BARD1: variants seen among roughly 807,000 people sequenced by gnomAD.
BARD1 encodes BRCA1 associated RING domain 1.
Under a neutral mutation model 77.0 loss-of-function variants are expected in BARD1, and 73 were observed. The ratio of observed to expected loss-of-function variants is 0.95; its 90% CI spans 0.79 to 1.15. The LOEUF is 1.15. Ranked by LOEUF, BARD1 falls within the 50% of genes most tolerant of loss-of-function variation. BARD1 has a pLI of 0.00. For missense variants in BARD1, 993 were observed against 938.8 expected (o/e 1.06, Z -0.75); for synonymous variants, 384 against 338.0 (o/e 1.14, Z -1.49).
At position 214,781,384 on chromosome 2, in the gene BARD1, G is replaced by C. The variant is rs750350372; in HGVS notation, c.490C>G (p.Gln164Glu). 5.6e-6 allele frequency: 9 copies of C among 1,613,512 alleles called. No individual in the cohort carries two copies. Among genetic ancestry groups the C allele is most frequent in the Non-Finnish European group, 7.6e-6 (9 of 1,179,936 alleles). ...TCTTTTTTTATTGCAGGCTGGGTTT[G>C]CACTGAAGCTTTACTCACAACATAT... Reference protein sequence around the residue: ...VRYVVSKASVQTQPAIKKDAS... With the variant: ...VRYVVSKASVETQPAIKKDAS... Residue 164 changes from glutamine to glutamate, a missense_variant, in exon 4 of 11, where the codon CAA (glutamine) becomes GAA (glutamate). Physicochemically the swap from Gln to Glu is conservative, Grantham distance 29. Coordinates refer to ENST00000260947, the MANE Select transcript of BARD1 (RefSeq NM_000465.4).
At chr2:214,756,616 G>T (rs1693705220) in intron 6 of BARD1, among the ~76,000 whole-genome samples, 1 of 152,090 alleles carries the variant, frequency 6.6e-6, no homozygotes, top group Non-Finnish European at 1.5e-5. Flanking sequence ...AAGAAACTGT[G>T]GTGTATATAT....
intron 7 of BARD1, 104 bp from the exon 8 acceptor site, chr2:214,745,958 TTACTC>T: frequency 2.3e-6 from 3 of 1,319,154 alleles, no homozygotes; most frequent in Non-Finnish European, 3.2e-6. Context: ...ATTACTTAGT[TTACTC>T]TAATAATTTT....
rs375041372 is a variant in BARD1 at position 214,805,018 on chromosome 2, G to A, written c.158+4394C>T. On this transcript the variant is annotated intron_variant, in intron 1 of 10. Transcript: ENST00000260947. ...TCTACTAAAAATACAAAAATTAGCC[G>A]GGTTTGGTGGCGCTCACCTGTAATC... Among the ~76,000 whole-genome samples, 60 of 152,174 alleles carry A rather than the reference G, an allele frequency of 3.9e-4. No homozygotes were observed. The East Asian group carries it at 9.9e-3, about 25-fold the overall frequency.
In BARD1 at chr2:214,797,955, A is replaced by C. The variant is rs547477771; in HGVS notation, c.159-838T>G. ...AAAGTAATGATACTAATAAATACAC[A>C]CCAAGACATTATACTCAATGGATGT... On this transcript the variant is annotated intron_variant, in intron 1 of 10. Transcript: ENST00000260947. 1.8e-4 allele frequency among the ~76,000 whole-genome samples: 28 copies of C among 152,230 alleles called. No homozygotes were observed. The South Asian group carries it at 4.8e-3, about 26-fold the overall frequency.
intron 1 of BARD1, among the ~76,000 whole-genome samples, chr2:214,806,860 T>G (rs1574863351): frequency 2.3e-5 from 2 of 88,434 alleles, no homozygotes; most frequent in South Asian, 4.2e-4. Context: ...GGTGACAGAG[T>G]GAAACTTTGC....
chr2:214,757,617 T>C (rs372020979), intron 6 of BARD1, among the ~76,000 whole-genome samples: 24 of 152,270 alleles, frequency 1.6e-4, no homozygotes, highest in African/African-American at 5.5e-4. Flanking sequence ...GGAATGAATA[T>C]ATTTGTATAA....
intron 6 of BARD1, among the ~76,000 whole-genome samples, chr2:214,762,173 T>A (rs1693995476): frequency 6.6e-6 from 1 of 152,202 alleles, no homozygotes; most frequent in Non-Finnish European, 1.5e-5. Context: ...TAAAAAACCA[T>A]TTTAATGCAT....
At chr2:214,776,747 A>G (rs1694754168) in intron 4 of BARD1, among the ~76,000 whole-genome samples, 1 of 152,194 alleles carries the variant, frequency 6.6e-6, no homozygotes. Context: ...ACGTGGTGAA[A>G]GGGACACTGC....
chr2:214,745,653 G>A, intron 8 of BARD1, 69 bp downstream of exon 8: 1 of 1,548,144 alleles, frequency 6.5e-7, no homozygotes, highest in Non-Finnish European at 8.9e-7. Context: ...ATTATCAAAG[G>A]TAGTTCTCCA....
rs1413008562 is a variant in BARD1, at chr2:214,727,329, T to A, written c.*1347A>T. On this transcript the variant is annotated 3_prime_UTR_variant, in exon 11 of 11. Transcript: ENST00000260947. ...ATGAACTTCAGAGATTCTCACTATT[T>A]TAAAACTAGGGATATTCTATTCTGG... 4.3e-6 allele frequency: 1 copy of A among 231,842 alleles called. No individual in the cohort carries two copies. The highest frequency in any genetic ancestry group is 8.5e-6 in the Non-Finnish European group (1 of 117,212). 14.4% of individuals were successfully genotyped at this position (231,842 alleles called of 1,614,324 possible).
intron 7 of BARD1, among the ~76,000 whole-genome samples, chr2:214,749,317 GA>G (rs1553615777): frequency 6.6e-6 from 1 of 152,180 alleles, no homozygotes; most frequent in Non-Finnish European, 1.5e-5. Flanking sequence ...GTGGCTGGGG[GA>G]AGGTATATTC....
rs116494562 is a variant in BARD1, at chr2:214,769,597, C to T, written c.1315-285G>A. On this transcript the variant is annotated intron_variant, in intron 4 of 10. Transcript: ENST00000260947. ...TCTCTACTAAAAATACAAAACTAGT[C>T]GGGCATGGTGGTGCCAGCCTGTAAT... 6.0e-3 allele frequency among the ~76,000 whole-genome samples: 913 copies of T among 152,076 alleles called. 6 individuals are homozygous for T. Among genetic ancestry groups the T allele is most frequent in the African/African-American group, 0.021 (875 of 41,488 alleles).
chr2:214,772,639 G>A (rs1694558661), intron 4 of BARD1, among the ~76,000 whole-genome samples: 1 of 152,092 alleles, frequency 6.6e-6, no homozygotes, highest in African/African-American at 2.4e-5. Flanking sequence ...AGTGTCTTCT[G>A]TTAACATTCT....
Position 214,728,614 on chromosome 2 carries a change from A to G in BARD1, c.*62T>C. ...TAAAAATGTGAACATTAAAAACAGT[A>G]CAATGACTGGGCTCTCACAAACCGT... On this transcript the variant is annotated 3_prime_UTR_variant, in exon 11 of 11. Transcript: ENST00000260947. 1 of 1,504,488 alleles carries G rather than the reference A, an allele frequency of 6.6e-7. No homozygotes were observed. The highest frequency in any genetic ancestry group is 9.2e-7 in the Non-Finnish European group (1 of 1,088,316). The allele number at this position is 1,504,488 out of a possible 1,614,324, so 93.2% of individuals were successfully genotyped here.
At chr2:214,729,785 G>A (rs1692267962) in intron 10 of BARD1, among the ~76,000 whole-genome samples, 1 of 152,100 alleles carries the variant, frequency 6.6e-6, no homozygotes, top group Admixed American at 6.5e-5. Flanking sequence ...CTTTTCCGTG[G>A]ACTTTTATCC....
intron 9 of BARD1, among the ~76,000 whole-genome samples, chr2:214,736,584 G>T (rs532724751): frequency 6.6e-6 from 1 of 152,072 alleles, no homozygotes; most frequent in Non-Finnish European, 1.5e-5. Flanking sequence ...CCATTTTATG[G>T]GTTTATTTGA....
chr2:214,762,410 T>C (rs1174047663), intron 6 of BARD1, among the ~76,000 whole-genome samples: 1 of 152,178 alleles, frequency 6.6e-6, no homozygotes, highest in Admixed American at 6.6e-5. Context: ...TTAATAGGTA[T>C]ATGCATGTGT....
intron 9 of BARD1, among the ~76,000 whole-genome samples, chr2:214,741,888 C>G (rs964790697): frequency 2.0e-5 from 3 of 151,302 alleles, no homozygotes; most frequent in Non-Finnish European, 4.4e-5. Context: ...GAAAACTTCT[C>G]ATAGTTAAAT....
intron 4 of BARD1, among the ~76,000 whole-genome samples, chr2:214,770,349 C>T (rs1039624894): frequency 6.6e-6 from 1 of 152,174 alleles, no homozygotes; most frequent in Non-Finnish European, 1.5e-5. Context: ...TTCTCTATTT[C>T]TCTATTCCAG....
Sources: gnomAD v4.1 joint callset for allele counts (sites outside exome capture counted in the v4.1 genomes callset) on GRCh38, gnomAD v4.1.1 for gene constraint, MANE v1.5 for transcripts, NCBI Gene and HGNC (gene_info 2026-07-23, HGNC 2026-07-21) for gene names.